Variants in MCF2L2 observed in about 807,000 individuals in gnomAD.
The protein encoded by MCF2L2 is MCF.2 cell line derived transforming sequence-like 2, also known as probable guanine nucleotide exchange factor MCF2L2.
MCF2L2 carries 102 observed loss-of-function variants against 150.2 expected under a neutral mutation model. The ratio of observed to expected loss-of-function variants is 0.68; its 90% CI spans 0.58 to 0.80. The LOEUF is 0.80. Ranked by LOEUF, MCF2L2 falls within the 30% of genes least tolerant of loss-of-function variation. MCF2L2 has a pLI of 0.00. For synonymous variants in MCF2L2, 465 were observed against 491.3 expected (o/e 0.95, Z 0.71); for missense variants, 1,256 against 1,372.8 (o/e 0.91, Z 1.34).
intron 1 of MCF2L2, among the ~76,000 whole-genome samples, chr3:183,419,420 T>A (rs1217325360): frequency 3.3e-5 from 5 of 152,236 alleles, no homozygotes; most frequent in African/African-American, 9.6e-5. Flanking sequence ...CAGCTTGAAT[T>A]CCTCCCCAGA....
intron 3 of MCF2L2, among the ~76,000 whole-genome samples, chr3:183,364,328 A>G (rs934059045): frequency 8.5e-5 from 13 of 152,068 alleles, no homozygotes; most frequent in African/African-American, 2.4e-4. Flanking sequence ...CATCCTGGCT[A>G]ACACGGTGAA....
chr3:183,419,174 C>T (rs4859186), intron 1 of MCF2L2, among the ~76,000 whole-genome samples: 12,910 of 152,308 alleles, frequency 0.085, 663 homozygotes, highest in Middle Eastern at 0.15. Context: ...TGTAACTTGG[C>T]CCCTTTTAGC....
At chr3:183,228,671 A>G (rs1723438274) in intron 17 of MCF2L2, among the ~76,000 whole-genome samples, 1 of 152,208 alleles carries the variant, frequency 6.6e-6, no homozygotes, top group Admixed American at 6.5e-5. Context: ...AGAACTACTC[A>G]GAAGGCACAG....
At chr3:183,349,583 T>G (rs1731032784) in intron 3 of MCF2L2, among the ~76,000 whole-genome samples, 1 of 152,262 alleles carries the variant, frequency 6.6e-6, no homozygotes, top group Non-Finnish European at 1.5e-5. Context: ...TCATTCTAGA[T>G]AGTCATAGCT....
intron 15 of MCF2L2, among the ~76,000 whole-genome samples, chr3:183,249,687 G>C (rs1192444479): frequency 2.0e-5 from 3 of 152,200 alleles, no homozygotes; most frequent in African/African-American, 7.2e-5. Context: ...AGGGTGCCAG[G>C]CCATAGAAGC....
At chr3:183,291,337 T>A (rs1728131925) in intron 13 of MCF2L2, among the ~76,000 whole-genome samples, 1 of 152,236 alleles carries the variant, frequency 6.6e-6, no homozygotes, top group Non-Finnish European at 1.5e-5. Flanking sequence ...GTCACCTCTG[T>A]ACCTTACCTT....
Position 183,289,219 on chromosome 3 carries a change from G to A in MCF2L2, c.1677C>T (p.Val559=). 6.2e-7 allele frequency: 1 copy of A among 1,604,266 alleles called. No individual in the cohort carries two copies. The highest frequency in any genetic ancestry group is 8.5e-7 in the Non-Finnish European group (1 of 1,171,560). ...ACGTTCTCAGAGGACGAGCTAGAGGGACTAAGAGAACCTGCCATTAGTGTG... is the reference window on the plus strand; with the variant it reads ...ACGTTCTCAGAGGACGAGCTAGAGGAACTAAGAGAACCTGCCATTAGTGTG... ...SSKTSQPSTS[V]PLARPLRTSE... is the part of the protein sequence containing the mutation. Residue 559 remains valine (V), a splice_region_variant and synonymous_variant, in exon 14 of 30, where the codon GTC becomes GTT. Coordinates refer to ENST00000328913, the MANE Select transcript of MCF2L2 (RefSeq NM_015078.4).
rs2108638801 is a variant in MCF2L2 at position 183,426,681 on chromosome 3, C to T, written c.76+1221G>A. On this transcript the variant is annotated intron_variant, in intron 1 of 29. Transcript: ENST00000328913. ...TCAACTTTCATCATATTGCAGATTC[C>T]GAATTCTGTTTCATTACAAGTTCTT... Among the ~76,000 whole-genome samples the T allele has an allele frequency of 1.3e-5, 2 of 152,268 alleles. 1 individual carries two copies. Among genetic ancestry groups the T allele is most frequent in the East Asian group, 3.9e-4 (2 of 5,182 alleles).
At chr3:183,274,340 C>T (rs1401321176) in intron 15 of MCF2L2, among the ~76,000 whole-genome samples, 1 of 152,108 alleles carries the variant, frequency 6.6e-6, no homozygotes, top group Non-Finnish European at 1.5e-5. Context: ...GAAAAGGTTA[C>T]GTTTTCCTTT....
chr3:183,419,332 G>A (rs138494454), intron 1 of MCF2L2, among the ~76,000 whole-genome samples: 12,909 of 152,206 alleles, frequency 0.085, 571 homozygotes, highest in African/African-American at 0.095. Flanking sequence ...AAGGTCTCTG[G>A]CATGCCCTGG....
intron 10 of MCF2L2, among the ~76,000 whole-genome samples, chr3:183,307,916 T>C (rs542873658): frequency 6.6e-6 from 1 of 152,370 alleles, no homozygotes; most frequent in South Asian, 2.1e-4. Flanking sequence ...TTAGGACCTT[T>C]GCACCTGCAG....
intron 9 of MCF2L2, chr3:183,310,565 A>C: frequency 3.4e-6 from 1 of 295,228 alleles, no homozygotes; most frequent in Non-Finnish European, 6.7e-6. Context: ...TGGGAGGCTG[A>C]GGTGGGAGGA....
chr3:183,336,217 G>GTA (rs943143434), intron 5 of MCF2L2, among the ~76,000 whole-genome samples: 5 of 151,778 alleles, frequency 3.3e-5, no homozygotes, highest in South Asian at 2.1e-4. Flanking sequence ...ATTCTTATGT[G>GTA]TATATATATA....
At chr3:183,201,465 C>T (rs991416007) in intron 25 of MCF2L2, among the ~76,000 whole-genome samples, 11 of 152,150 alleles carry the variant, frequency 7.2e-5, no homozygotes, top group South Asian at 2.1e-4. Context: ...GTAATTTTTG[C>T]ACATTGATTT....
At chr3:183,201,746 A>G (rs1722293363) in intron 25 of MCF2L2, among the ~76,000 whole-genome samples, 1 of 152,144 alleles carries the variant, frequency 6.6e-6, no homozygotes, top group Non-Finnish European at 1.5e-5. Context: ...ATTCAGTATG[A>G]TATTGGCTGT....
chr3:183,254,147 G>C (rs1385656876), intron 15 of MCF2L2: 2 of 151,726 alleles, frequency 1.3e-5, no homozygotes, highest in Admixed American at 6.6e-5. Flanking sequence ...TGCCCACTCC[G>C]GGCCGAGCGA....
chr3:183,179,577 G>T lies in MCF2L2; in HGVS notation c.3221C>A (p.Thr1074Lys). 1 of 1,614,068 alleles carries T rather than the reference G, an allele frequency of 6.2e-7. No homozygotes were observed. Among genetic ancestry groups the T allele is most frequent in the Non-Finnish European group, 8.5e-7 (1 of 1,179,948 alleles). Residue 1074 changes from threonine (T) to lysine (K), a missense_variant and splice_region_variant, in exon 29 of 30, where the codon ACG (threonine) becomes AAG (lysine). Coordinates refer to ENST00000328913, the MANE Select transcript of MCF2L2 (RefSeq NM_015078.4). This position sits in a 1 kb window ranked among gnomAD's most constrained non-coding sequence, Gnocchi z 4.2. ...TTAGTCTTTCCTCGCTCACACTCAC[G>T]TTTCCTCCTCATCGCGTTCTTCTTT... ...GEKEERDEEE[T>K]ATRSTEEERA...
At chr3:183,318,971 G>A (rs189522507) in intron 6 of MCF2L2, among the ~76,000 whole-genome samples, 1 of 152,276 alleles carries the variant, frequency 6.6e-6, no homozygotes, top group Non-Finnish European at 1.5e-5. Context: ...CTGGAATGGT[G>A]GTGACAATTT....
intron 10 of MCF2L2, among the ~76,000 whole-genome samples, chr3:183,304,817 G>T (rs1387396702): frequency 1.3e-5 from 2 of 152,108 alleles, no homozygotes; most frequent in Non-Finnish European, 2.9e-5. Context: ...TGTGTCCTCA[G>T]AACTTAAACA....
Sources: allele counts gnomAD v4.1 joint callset (sites outside exome capture counted in the v4.1 genomes callset), GRCh38; gene constraint gnomAD v4.1.1; non-coding constraint Gnocchi (gnomAD v3.1); transcripts MANE v1.5; gene names NCBI Gene and HGNC (gene_info 2026-07-23, HGNC 2026-07-21).